Variants in TRAM2 observed in about 807,000 individuals in gnomAD.
The protein encoded by TRAM2 is translocating chain-associated membrane protein 2.
Under a neutral mutation model 51.0 loss-of-function variants are expected in TRAM2, and 12 were observed. That is an observed-to-expected ratio of 0.24 (90% CI 0.15 to 0.38). The LOEUF is 0.38. Among genes scored for constraint, TRAM2 ranks in the 10% least tolerant of loss-of-function variants. TRAM2 has a pLI of 1.00. For synonymous variants in TRAM2, 175 were observed against 179.4 expected, an observed-to-expected ratio of 0.98 and a Z score of 0.20; for missense variants, 361 against 462.0, an observed-to-expected ratio of 0.78 and a Z score of 2.00.
chr6:52,566,933 C>T (rs1767599230), intron 1 of TRAM2, among the ~76,000 whole-genome samples: 1 of 152,238 alleles, frequency 6.6e-6, no homozygotes, highest in South Asian at 2.1e-4. Context: ...TAGTCATCAT[C>T]AAGTGACTGT....
chr6:52,541,287 A>C (rs540847994), intron 1 of TRAM2, among the ~76,000 whole-genome samples: 1 of 152,202 alleles, frequency 6.6e-6, no homozygotes, highest in Non-Finnish European at 1.5e-5. Context: ...CATGAGTCCA[A>C]GGGCTTCACA....
intron 1 of TRAM2, 33 bp downstream of exon 1, chr6:52,576,763 G>A (rs200824596): frequency 2.3e-4 from 367 of 1,607,076 alleles, no homozygotes; most frequent in Middle Eastern, 3.3e-4. Context: ...AGGGGGCACT[G>A]TCCCTCCAGC....
chr6:52,540,739 A>C (rs1269922349), intron 1 of TRAM2, among the ~76,000 whole-genome samples: 2 of 152,164 alleles, frequency 1.3e-5, no homozygotes, highest in Admixed American at 1.3e-4. Context: ...ATGTCATTCC[A>C]ATTATTTCTC....
In TRAM2 at chr6:52,513,540, G is replaced by C. The variant is rs529182147; in HGVS notation, c.411+2466C>G. Reference sequence around the variant, plus strand: ...CAGTGCAGAAAATGCAAATTGGTGGGGGGTTCTCTGAGGAGATGGTATTTA... The same window carrying C: ...CAGTGCAGAAAATGCAAATTGGTGGCGGGTTCTCTGAGGAGATGGTATTTA... On this transcript the variant is annotated intron_variant, in intron 4 of 10. Coordinates refer to ENST00000182527, the MANE Select transcript of TRAM2 (RefSeq NM_012288.4). Among the ~76,000 whole-genome samples, 3 of 152,256 alleles carry C rather than the reference G, an allele frequency of 2.0e-5. No homozygotes were observed. The South Asian group carries it at 6.2e-4, about 32-fold the overall frequency.
At chr6:52,570,490 G>A (rs1431289029) in intron 1 of TRAM2, among the ~76,000 whole-genome samples, 1 of 152,172 alleles carries the variant, frequency 6.6e-6, no homozygotes, top group Non-Finnish European at 1.5e-5. Context: ...TGAGCCAGAC[G>A]TTGCTGAGTT....
intron 1 of TRAM2, among the ~76,000 whole-genome samples, chr6:52,570,801 C>A (rs56961861): frequency 8.4e-5 from 10 of 119,542 alleles, no homozygotes; most frequent in East Asian, 4.6e-4. Context: ...CACCACCCCC[C>A]CCCCCACACG....
intron 1 of TRAM2, among the ~76,000 whole-genome samples, chr6:52,547,966 T>C (rs1767240572): frequency 6.6e-6 from 1 of 152,216 alleles, no homozygotes; most frequent in Admixed American, 6.5e-5. Flanking sequence ...TAAACAGATA[T>C]GTCATGGAAA....
At chr6:52,572,861 G>T (rs1189496214) in intron 1 of TRAM2, among the ~76,000 whole-genome samples, 2 of 152,174 alleles carry the variant, frequency 1.3e-5, no homozygotes, top group Non-Finnish European at 2.9e-5. Flanking sequence ...GTCAATCAGT[G>T]TCAGGAGCAG....
intron 2 of TRAM2, chr6:52,523,898 C>A (rs1398913844): frequency 6.6e-6 from 1 of 152,248 alleles, no homozygotes; most frequent in Non-Finnish European, 1.5e-5. Flanking sequence ...ATCAGTAACA[C>A]CTGTGAGCTT....
intron 2 of TRAM2, among the ~76,000 whole-genome samples, chr6:52,529,198 T>C (rs2114081496): frequency 6.6e-6 from 1 of 152,244 alleles, no homozygotes; most frequent in East Asian, 1.9e-4. Flanking sequence ...GCCACAAATG[T>C]GTACATGACT....
At chr6:52,518,317 G>A (rs1313827496) in intron 2 of TRAM2, among the ~76,000 whole-genome samples, 1 of 152,218 alleles carries the variant, frequency 6.6e-6, no homozygotes, top group African/African-American at 2.4e-5. Flanking sequence ...AGGGACTGAG[G>A]CTGGACTGCT....
intron 1 of TRAM2, among the ~76,000 whole-genome samples, chr6:52,564,779 G>T (rs902206848): frequency 7.9e-5 from 12 of 152,188 alleles, no homozygotes; most frequent in Non-Finnish European, 1.8e-4. Context: ...AAGTCTGGCT[G>T]AATGAATAAA....
At chr6:52,506,887 A>G (rs1766360082) in intron 7 of TRAM2, among the ~76,000 whole-genome samples, 1 of 152,194 alleles carries the variant, frequency 6.6e-6, no homozygotes, top group African/African-American at 2.4e-5. Context: ...CGGGATTTCC[A>G]GGCACCTCGG....
intron 5 of TRAM2, 69 bp from the exon 6 acceptor site, chr6:52,508,387 C>G (rs1766389113): frequency 1.7e-5 from 25 of 1,472,678 alleles, no homozygotes; most frequent in Non-Finnish European, 2.3e-5. Context: ...TGGCCAAGCA[C>G]AGGAGGGAAA....
chr6:52,559,460 C>T (rs1008374873), intron 1 of TRAM2, among the ~76,000 whole-genome samples: 1 of 152,130 alleles, frequency 6.6e-6, no homozygotes, highest in African/African-American at 2.4e-5. Flanking sequence ...CAACGAGAGT[C>T]CTTAGTCTTT....
intron 1 of TRAM2, among the ~76,000 whole-genome samples, chr6:52,570,062 G>A (rs538022672): frequency 1.3e-5 from 2 of 152,162 alleles, no homozygotes; most frequent in Non-Finnish European, 2.9e-5. Flanking sequence ...AAACACAGTA[G>A]AAGACTTCTT....
rs1766198055 is a variant in TRAM2, at chr6:52,500,564, G to A, written c.*2633C>T. On this transcript the variant is annotated 3_prime_UTR_variant, in exon 11 of 11. Coordinates refer to ENST00000182527, the MANE Select transcript of TRAM2 (RefSeq NM_012288.4). ...TTTTTTTACATAAAATAAACCCTTA[G>A]CACACCCGTCCACTGGGAAGCAGAG... 6.9e-6 allele frequency: 1 copy of A among 145,944 alleles called. No individual in the cohort carries two copies. The highest frequency in any genetic ancestry group is 2.6e-5 in the African/African-American group (1 of 38,280). The allele number at this position is 145,944 out of a possible 1,614,324, so 9.0% of individuals were successfully genotyped here.
At chr6:52,522,901 T>C (rs1292338760) in intron 2 of TRAM2, 10 of 702,362 alleles carry the variant, frequency 1.4e-5, no homozygotes, top group Non-Finnish European at 2.3e-5. Flanking sequence ...GCAAGCGGCT[T>C]CTCCTGCCTG....
intron 10 of TRAM2, 68 bp downstream of exon 10, chr6:52,504,523 T>C: frequency 6.3e-7 from 1 of 1,597,606 alleles, no homozygotes; most frequent in South Asian, 1.1e-5. Context: ...CCAGGTGCCT[T>C]GGCTCCTCCC....
Sources: allele counts gnomAD v4.1 joint callset (sites outside exome capture counted in the v4.1 genomes callset), GRCh38; gene constraint gnomAD v4.1.1; transcripts MANE v1.5; gene names NCBI Gene and HGNC (gene_info 2026-07-23, HGNC 2026-07-21).